The following IKBKB variants were observed in gnomAD, a reference collection of about 807,000 sequenced individuals.
IKBKB encodes inhibitor of nuclear factor kappa-B kinase subunit beta.
IKBKB carries 42 observed loss-of-function variants against 113.6 expected under a neutral mutation model. The ratio of observed to expected loss-of-function variants is 0.37; its 90% confidence interval spans 0.29 to 0.48. The LOEUF is 0.48. Ranked by LOEUF, IKBKB falls within the 20% of genes least tolerant of loss-of-function variation. The probability of loss-of-function intolerance (pLI) is 0.99; values close to 1 mark genes in which losing one functional copy is unlikely to be tolerated. For synonymous variants in IKBKB, 296 were observed against 361.3 expected (o/e 0.82, Z 2.05); for missense variants, 673 against 939.7 (o/e 0.72, Z 3.71).
rs1238698229 is a variant in IKBKB, at chr8:42,293,641, GGGAC to G, written c.388+132_388+135del. On this transcript the variant is annotated intron_variant, in intron 5 of 21. Transcript: ENST00000520810. ...TCTGTGGAAGGGGAATGGGAGCCCA[GGGAC>G]GGGGGACCCTGGTGGAGTAGGGAGG... is the stretch of plus-strand genomic sequence containing the variant. 6 of 1,516,232 alleles carry G rather than the reference GGGAC, an allele frequency of 4.0e-6. No individual in the cohort carries two copies. In the African/African-American group the frequency reaches 6.8e-5, roughly 17 times the overall value. 93.9% of individuals were successfully genotyped at this position (1,516,232 alleles called of 1,614,324 possible).
chr8:42,326,031 A>G lies in IKBKB; in HGVS notation c.2048A>G (p.Gln683Arg). ...AGCATGAATGCCTCTCGACTTAGCC[A>G]GCCTGGGCAGCTGATGTCTCAGCCC... Reference protein sequence around the residue: ...PDSMNASRLSQPGQLMSQPST... With the variant: ...PDSMNASRLSRPGQLMSQPST... Residue 683 changes from glutamine to arginine, a missense_variant, in exon 20 of 22, where the codon CAG becomes CGG. Physicochemically the swap from Gln to Arg is conservative, Grantham distance 43. Coordinates refer to ENST00000520810, the MANE Select transcript of IKBKB (RefSeq NM_001556.3). The G allele has an allele frequency of 6.2e-7, 1 of 1,614,232 alleles. No homozygotes were observed. Among genetic ancestry groups the G allele is most frequent in the Non-Finnish European group, 8.5e-7 (1 of 1,180,038 alleles).
rs780080409 is a variant in IKBKB at position 42,288,640 on chromosome 8, G to C, written c.112G>C (p.Gly38Arg). ...NVIRWHNQET[G>R]EQIAIKQCRQ... ...CACTGTGCTGTTTCTGTAGGAAACA[G>C]GTGAGCAGATTGCCATCAAGCAGTG... The change falls in exon 3 of 22, where the codon GGT (glycine) becomes CGT (arginine). Residue 38 changes from glycine (G) to arginine (R), a missense_variant. Gly to Arg is a moderately radical substitution (Grantham distance 125). Transcript: ENST00000520810. The C allele has an allele frequency of 6.2e-7, 1 of 1,609,864 alleles. No homozygotes were observed. Among genetic ancestry groups the C allele is most frequent in the South Asian group, 1.1e-5 (1 of 90,830 alleles).
At chr8:42,300,457 T>C (rs1814945323) in intron 5 of IKBKB, among the ~76,000 whole-genome samples, 2 of 152,232 alleles carry the variant, frequency 1.3e-5, no homozygotes, top group South Asian at 4.1e-4. Context: ...GGGAACTTAG[T>C]CATCCCTCTA....
intron 4 of IKBKB, among the ~76,000 whole-genome samples, chr8:42,291,667 A>AT (rs909791787): frequency 1.3e-5 from 2 of 151,616 alleles, no homozygotes; most frequent in African/African-American, 4.8e-5. Context: ...TTAAAAAAAA[A>AT]TTTTTTTTTC....
intron 8 of IKBKB, chr8:42,309,333 A>C: frequency 4.7e-6 from 2 of 429,952 alleles, no homozygotes; most frequent in Non-Finnish European, 8.6e-6. Flanking sequence ...ATACGCACTT[A>C]CACTGAGAAT....
chr8:42,271,467 C>A lies in IKBKB; in HGVS notation c.-21C>A. 2.4e-6 allele frequency: 3 copies of A among 1,256,232 alleles called. No individual in the cohort carries two copies. The highest frequency in any genetic ancestry group is 2.2e-6 in the Non-Finnish European group (2 of 904,292). The allele number at this position is 1,256,232 out of a possible 1,614,324, so 77.8% of individuals were successfully genotyped here. A position where few individuals can be genotyped will look rare whatever the true frequency, so the allele number is the denominator to read the frequency against. On this transcript the variant is annotated splice_region_variant and 5_prime_UTR_variant, in exon 1 of 22. Transcript: ENST00000520810. ...GCCCCCTGCCCCGCGTCCCTGCCGA[C>A]AGGTGAGTCCCCCTCGTGGGTGCGG...
At chr8:42,271,638 C>T in intron 1 of IKBKB, 169 bp downstream of exon 1, 4 of 545,182 alleles carry the variant, frequency 7.3e-6, no homozygotes, top group Non-Finnish European at 1.3e-5. Flanking sequence ...AAACAGCTCT[C>T]CCTGGGGTGG....
At chr8:42,304,116 C>A (rs536005174) in intron 5 of IKBKB, among the ~76,000 whole-genome samples, 2 of 152,270 alleles carry the variant, frequency 1.3e-5, no homozygotes, top group African/African-American at 4.8e-5. Context: ...ATATAGCTAA[C>A]ATAGAGAAAA....
In IKBKB at chr8:42,316,590, C is replaced by T; in HGVS notation, c.931-120C>T. ...TGGCACATGACCTCCCTCCCTCAAGCTAGGCCCTTGCTTTGTGTGGTTGGG... is the reference window on the plus strand; with the variant it reads ...TGGCACATGACCTCCCTCCCTCAAGTTAGGCCCTTGCTTTGTGTGGTTGGG... On this transcript the variant is annotated intron_variant, in intron 10 of 21. Transcript: ENST00000520810. The surrounding 1 kb of genome is among the most constrained non-coding windows in gnomAD (Gnocchi z 4.5). The T allele has an allele frequency of 9.8e-7, 1 of 1,021,226 alleles. No individual in the cohort carries two copies. The allele number at this position is 1,021,226 out of a possible 1,614,324, so 63.3% of individuals were successfully genotyped here.
chr8:42,317,115 C>A, intron 11 of IKBKB: 1 of 626,386 alleles, frequency 1.6e-6, no homozygotes, highest in Non-Finnish European at 2.9e-6. Context: ...TACTTCCAAA[C>A]CCTCCAAGAC....
At position 42,323,758 on chromosome 8, in the gene IKBKB, G is replaced by A. The variant is rs575042756; in HGVS notation, c.1986+1264G>A. On this transcript the variant is annotated intron_variant, in intron 19 of 21. Coordinates refer to ENST00000520810, the MANE Select transcript of IKBKB (RefSeq NM_001556.3). ...CATCCTCCTGTAAGAAGAGAGGAAC[G>A]GGAGAAAACAGGATGACGAGGTAGA... Among the ~76,000 whole-genome samples, 31 of 152,332 alleles carry A rather than the reference G, an allele frequency of 2.0e-4. No homozygotes were observed. The East Asian group carries it at 2.9e-3, about 14-fold the overall frequency.
intron 2 of IKBKB, among the ~76,000 whole-genome samples, chr8:42,273,759 T>C (rs1251320992): frequency 6.6e-6 from 1 of 151,996 alleles, no homozygotes; most frequent in African/African-American, 2.4e-5. Context: ...CACAATGTTG[T>C]CCAGGCTCGT....
chr8:42,299,113 C>T (rs1246572216), intron 5 of IKBKB, among the ~76,000 whole-genome samples: 1 of 152,170 alleles, frequency 6.6e-6, no homozygotes. Flanking sequence ...AGTAGAAGCT[C>T]TGGTTGTCTT....
chr8:42,330,402 T>C, intron 21 of IKBKB: 1 of 759,176 alleles, frequency 1.3e-6, no homozygotes, highest in Non-Finnish European at 1.6e-6. Context: ...CCCAGGCTGG[T>C]CTTGAACTCC....
At chr8:42,326,563 G>GCCT (rs1329859590) in intron 20 of IKBKB, 3 of 156,976 alleles carry the variant, frequency 1.9e-5, no homozygotes, top group African/African-American at 4.8e-5. Context: ...TCTGCCTCCT[G>GCCT]CCTCCTGCCT....
At chr8:42,284,187 G>GT (rs1810925896) in intron 2 of IKBKB, among the ~76,000 whole-genome samples, 2 of 152,166 alleles carry the variant, frequency 1.3e-5, no homozygotes, top group Admixed American at 6.5e-5. Flanking sequence ...TCATCATAGG[G>GT]TGAAGGCGAA....
intron 8 of IKBKB, among the ~76,000 whole-genome samples, chr8:42,311,779 G>T (rs976281155): frequency 1.3e-5 from 2 of 152,068 alleles, no homozygotes; most frequent in African/African-American, 4.8e-5. Flanking sequence ...AGCTACATAG[G>T]TTCTGGAATA....
chr8:42,293,959 A>C (rs1463023523), intron 5 of IKBKB, among the ~76,000 whole-genome samples: 1 of 152,210 alleles, frequency 6.6e-6, no homozygotes, highest in East Asian at 1.9e-4. Context: ...GGCTTCCCCA[A>C]ATGAGGGCAT....
At chr8:42,320,211 T>G (rs1401161961) in intron 15 of IKBKB, 2 of 156,878 alleles carry the variant, frequency 1.3e-5, no homozygotes, top group African/African-American at 2.4e-5. Flanking sequence ...GATCTTCACC[T>G]GTGTCTTAGT....
Sources: allele counts gnomAD v4.1 joint callset (sites outside exome capture counted in the v4.1 genomes callset), GRCh38; gene constraint gnomAD v4.1.1; non-coding constraint Gnocchi (gnomAD v3.1); transcripts MANE v1.5; gene names NCBI Gene and HGNC (gene_info 2026-07-23, HGNC 2026-07-21).